The following KCNC2 variants were observed in gnomAD, a reference collection of about 807,000 sequenced individuals.
The protein encoded by KCNC2 is potassium voltage-gated channel subfamily C member 2.
In KCNC2, 21 loss-of-function variants were observed where a neutral mutation model predicts 44.5. That is an observed-to-expected ratio of 0.47 (90% CI 0.33 to 0.68). The LOEUF is 0.68. Among genes scored for constraint, KCNC2 ranks in the 30% least tolerant of loss-of-function variants. The pLI is 0.01. For missense variants in KCNC2, 589 were observed against 826.2 expected (o/e 0.71, Z 3.52); for synonymous variants, 391 against 339.1 (o/e 1.15, Z -1.68).
chr12:75,146,754 C>T (rs73187107), intron 2 of KCNC2, among the ~76,000 whole-genome samples: 5 of 152,258 alleles, frequency 3.3e-5, no homozygotes, highest in Non-Finnish European at 7.4e-5. Flanking sequence ...CTTCCACCAG[C>T]AGTATATAAG....
At chr12:75,208,107 A>G (rs2031860647) in intron 1 of KCNC2, 105 bp from the exon 2 acceptor site, 2 of 1,371,606 alleles carry the variant, frequency 1.5e-6, no homozygotes, top group East Asian at 2.5e-5. Flanking sequence ...CAGAGTTGGC[A>G]GACAGGCACG....
At chr12:75,159,484 T>C (rs1488177395) in intron 2 of KCNC2, among the ~76,000 whole-genome samples, 3 of 151,714 alleles carry the variant, frequency 2.0e-5, no homozygotes, top group African/African-American at 7.3e-5. Context: ...AGTCAAGTGA[T>C]TTAAGATTAT....
rs988293991 is a variant in KCNC2 at position 75,041,084 on chromosome 12, CAACCTG to C, written c.*2015_*2020del. On this transcript the variant is annotated 3_prime_UTR_variant, in exon 5 of 5. Transcript: ENST00000549446. Reference sequence around the variant, plus strand: ...AAGACGCGAGGATCTCTTCCAAGTGCAACCTGGTCACATCAGGGCACATTCAGCAGC... The same window carrying C: ...AAGACGCGAGGATCTCTTCCAAGTGCGTCACATCAGGGCACATTCAGCAGC... 4 of 1,593,664 alleles carry C rather than the reference CAACCTG, an allele frequency of 2.5e-6. No homozygotes were observed. Among genetic ancestry groups the C allele is most frequent in the African/African-American group, 1.3e-5 (1 of 74,712 alleles).
At chr12:75,156,719 C>G (rs1890784712) in intron 2 of KCNC2, among the ~76,000 whole-genome samples, 1 of 151,832 alleles carries the variant, frequency 6.6e-6, no homozygotes, top group Non-Finnish European at 1.5e-5. Context: ...TCTAATATAG[C>G]TACAGATATT....
intron 2 of KCNC2, among the ~76,000 whole-genome samples, chr12:75,175,211 A>G (rs962924515): frequency 7.9e-5 from 12 of 151,986 alleles, no homozygotes; most frequent in African/African-American, 2.7e-4. Context: ...TGAGAGAGGC[A>G]TTAGCCTCCA....
At chr12:75,055,528 G>A (rs989500772) in intron 2 of KCNC2, among the ~76,000 whole-genome samples, 1 of 151,946 alleles carries the variant, frequency 6.6e-6, no homozygotes, top group Admixed American at 6.6e-5. Flanking sequence ...AATAAAATTA[G>A]GCATGCTGAA....
chr12:75,138,359 G>T (rs1377647610), intron 2 of KCNC2, among the ~76,000 whole-genome samples: 1 of 152,094 alleles, frequency 6.6e-6, no homozygotes, highest in African/African-American at 2.4e-5. Context: ...ATACCAGTTG[G>T]AACAGGAGAA....
At chr12:75,152,817 A>G (rs1157774277) in intron 2 of KCNC2, among the ~76,000 whole-genome samples, 5 of 151,976 alleles carry the variant, frequency 3.3e-5, no homozygotes, top group Admixed American at 1.3e-4. Context: ...ATAAATTATG[A>G]CTCAATAATT....
chr12:75,192,954 T>C (rs2030428161), intron 2 of KCNC2, among the ~76,000 whole-genome samples: 2 of 152,210 alleles, frequency 1.3e-5, no homozygotes, highest in African/African-American at 4.8e-5. Flanking sequence ...AGAAATTTAT[T>C]CATTAGCCAG....
In KCNC2 at chr12:75,040,430, A is replaced by G. The variant is rs1400071591; in HGVS notation, c.*2675T>C. ...TTTTATGCAAAATATACATTTTAGG[A>G]TATAATTTAATTGATATTCTACTAT... On this transcript the variant is annotated 3_prime_UTR_variant, in exon 5 of 5. Coordinates refer to ENST00000549446, the MANE Select transcript of KCNC2 (RefSeq NM_139137.4). The G allele has an allele frequency of 6.6e-6, 1 of 152,474 alleles. No homozygotes were observed. The highest frequency in any genetic ancestry group is 1.5e-5 in the Non-Finnish European group (1 of 67,976). 9.4% of individuals were successfully genotyped at this position (152,474 alleles called of 1,614,324 possible). A position where few individuals can be genotyped will look rare whatever the true frequency, so the allele number is the denominator to read the frequency against.
chr12:75,200,501 C>A (rs2031155522), intron 2 of KCNC2, among the ~76,000 whole-genome samples: 1 of 151,758 alleles, frequency 6.6e-6, no homozygotes, highest in African/African-American at 2.4e-5. Flanking sequence ...AAGCCATATT[C>A]CCACAAATCT....
Position 75,057,888 on chromosome 12 carries a change from A to T in KCNC2, c.688-6571T>A, listed in dbSNP as rs754316780. On this transcript the variant is annotated intron_variant, in intron 2 of 4. Transcript: ENST00000549446. Reference sequence around the variant, plus strand: ...CATGTTTTCTTTATATCCTTATCCAATGTACATATACAATCCTTCCTCTAT... The same window carrying T: ...CATGTTTTCTTTATATCCTTATCCATTGTACATATACAATCCTTCCTCTAT... Among the ~76,000 whole-genome samples, 65 of 151,874 alleles carry T rather than the reference A, an allele frequency of 4.3e-4. 1 individual carries two copies. Among genetic ancestry groups the T allele is most frequent in the Non-Finnish European group, 8.1e-4 (55 of 67,888 alleles).
chr12:75,154,908 T>C (rs1430659352), intron 2 of KCNC2, among the ~76,000 whole-genome samples: 1 of 151,998 alleles, frequency 6.6e-6, no homozygotes, highest in Admixed American at 6.6e-5. Flanking sequence ...TTGGACATTT[T>C]GAAAAACTAA....
chr12:75,095,946 C>T (rs1439721998), intron 2 of KCNC2, among the ~76,000 whole-genome samples: 1 of 151,838 alleles, frequency 6.6e-6, no homozygotes, highest in East Asian at 1.9e-4. Context: ...GAATGTATTT[C>T]AAGTAAGATG....
chr12:75,059,303 G>T (rs1312827485), intron 2 of KCNC2, among the ~76,000 whole-genome samples: 1 of 152,012 alleles, frequency 6.6e-6, no homozygotes, highest in Non-Finnish European at 1.5e-5. Context: ...GTAGCCATGA[G>T]GCCTTTTCTG....
intron 2 of KCNC2, among the ~76,000 whole-genome samples, chr12:75,091,009 T>G (rs967606742): frequency 1.3e-5 from 2 of 151,800 alleles, no homozygotes; most frequent in Non-Finnish European, 3.0e-5. Flanking sequence ...TAAAAGCTAC[T>G]GAGTGGCTGT....
chr12:75,115,258 AT>A (rs1230640804), intron 2 of KCNC2, among the ~76,000 whole-genome samples: 6 of 152,188 alleles, frequency 3.9e-5, no homozygotes, highest in African/African-American at 1.2e-4. Flanking sequence ...ACTGATACTT[AT>A]GAAACTTCTA....
intron 2 of KCNC2, among the ~76,000 whole-genome samples, chr12:75,186,256 C>A (rs1325355466): frequency 6.6e-6 from 1 of 151,968 alleles, no homozygotes; most frequent in Non-Finnish European, 1.5e-5. Flanking sequence ...TGAAGAAATA[C>A]ACAGGGCTCT....
At chr12:75,092,146 T>C (rs1885537092) in intron 2 of KCNC2, among the ~76,000 whole-genome samples, 1 of 151,610 alleles carries the variant, frequency 6.6e-6, no homozygotes, top group South Asian at 2.1e-4. Context: ...TGCATTTTAT[T>C]TTCATCCCCT....
Sources: gnomAD v4.1 joint callset for allele counts (sites outside exome capture counted in the v4.1 genomes callset) on GRCh38, gnomAD v4.1.1 for gene constraint, MANE v1.5 for transcripts, NCBI Gene and HGNC (gene_info 2026-07-23, HGNC 2026-07-21) for gene names.